Variants in ESRRB observed in about 807,000 individuals in gnomAD.
ESRRB encodes steroid hormone receptor ERR2.
ESRRB carries 16 observed loss-of-function variants against 46.0 expected under a neutral mutation model. The observed-to-expected ratio is 0.35, with a 90% CI of 0.24 to 0.53. The LOEUF is 0.53. ESRRB is among the 20% of genes least tolerant of loss of function. ESRRB has a pLI of 0.93. For missense variants in ESRRB, 488 were observed against 607.4 expected (o/e 0.80, Z 2.07); for synonymous variants, 246 against 259.6 (o/e 0.95, Z 0.50).
chr14:76,428,327 G>T lies in ESRRB; in HGVS notation c.51-11014G>T, dbSNP rs1209460448. ...GGTAGGATATTTATGCCACATCACT[G>T]CTTGATATAGAGTGAAAATAAAAAC... is the stretch of plus-strand genomic sequence containing the variant. On this transcript the variant is annotated intron_variant, in intron 1 of 6. Coordinates refer to ENST00000644823, the MANE Select transcript of ESRRB (RefSeq NM_001379180.1). Among the ~76,000 whole-genome samples the T allele has an allele frequency of 2.6e-5, 4 of 152,070 alleles. No individual in the cohort carries two copies. In the East Asian group the frequency reaches 7.8e-4, roughly 30 times the overall value.
chr14:76,394,540 C>T (rs1183824872), intron 1 of ESRRB, among the ~76,000 whole-genome samples: 1 of 152,204 alleles, frequency 6.6e-6, no homozygotes, highest in Non-Finnish European at 1.5e-5. Context: ...GAGGGAGCCT[C>T]ATTTGCTCCA....
intron 1 of ESRRB, among the ~76,000 whole-genome samples, chr14:76,336,158 G>T (rs1884124071): frequency 1.3e-5 from 2 of 152,174 alleles, no homozygotes; most frequent in Admixed American, 1.3e-4. Context: ...AAATCTCGCT[G>T]CCTTTTAGTT....
chr14:76,417,146 A>G (rs1039783426), intron 1 of ESRRB, among the ~76,000 whole-genome samples: 8 of 152,140 alleles, frequency 5.3e-5, no homozygotes, highest in Middle Eastern at 3.2e-3. Context: ...CAAAAACAAA[A>G]AAAGAAAGAA....
At chr14:76,356,222 C>G (rs1036711676) in intron 1 of ESRRB, among the ~76,000 whole-genome samples, 2 of 152,214 alleles carry the variant, frequency 1.3e-5, no homozygotes, top group Non-Finnish European at 2.9e-5. Flanking sequence ...GCAGAGAGCA[C>G]AGGCTGACCC....
At chr14:76,412,068 A>G (rs948817085) in intron 1 of ESRRB, among the ~76,000 whole-genome samples, 7 of 152,186 alleles carry the variant, frequency 4.6e-5, no homozygotes, top group African/African-American at 1.7e-4. Flanking sequence ...TAATTTCTGT[A>G]AAGTGAGTCC....
At chr14:76,355,114 A>C (rs1406302136) in intron 1 of ESRRB, among the ~76,000 whole-genome samples, 38 of 152,144 alleles carry the variant, frequency 2.5e-4, no homozygotes, top group Non-Finnish European at 4.4e-5. Context: ...CTTTGGGTAT[A>C]CCTTCCTCCT....
chr14:76,389,904 G>A (rs1885397471), intron 1 of ESRRB, among the ~76,000 whole-genome samples: 1 of 152,136 alleles, frequency 6.6e-6, no homozygotes, highest in Non-Finnish European at 1.5e-5. Context: ...AATGTATGGT[G>A]GAAAAACCAT....
chr14:76,408,868 G>T (rs957687005), intron 1 of ESRRB, among the ~76,000 whole-genome samples: 1 of 152,114 alleles, frequency 6.6e-6, no homozygotes, highest in African/African-American at 2.4e-5. Flanking sequence ...TCCATTGAGC[G>T]CTTCATTTCA....
chr14:76,398,006 C>T (rs1375463606), intron 1 of ESRRB, among the ~76,000 whole-genome samples: 1 of 152,232 alleles, frequency 6.6e-6, no homozygotes, highest in Non-Finnish European at 1.5e-5. Context: ...AGAGGATGGG[C>T]ACATGCAGGG....
chr14:76,328,384 C>G (rs73314694), intron 1 of ESRRB, among the ~76,000 whole-genome samples: 3,778 of 152,310 alleles, frequency 0.025, 181 homozygotes, highest in African/African-American at 0.087. Context: ...GTCCCTTAGT[C>G]CCCCTGAGTC....
At chr14:76,395,241 C>T (rs17497916) in intron 1 of ESRRB, among the ~76,000 whole-genome samples, 34,744 of 152,182 alleles carry the variant, frequency 0.23, 4,660 homozygotes, top group South Asian at 0.29. Context: ...ATGAATGCAT[C>T]GTCCTGCTGT....
At chr14:76,434,678 A>G (rs1445268233) in intron 1 of ESRRB, among the ~76,000 whole-genome samples, 4 of 151,592 alleles carry the variant, frequency 2.6e-5, no homozygotes, top group South Asian at 4.2e-4. Flanking sequence ...AAAAGAAAAG[A>G]AAAAAGAAAA....
intron 3 of ESRRB, among the ~76,000 whole-genome samples, chr14:76,464,113 A>C (rs888434025): frequency 2.0e-5 from 3 of 152,130 alleles, no homozygotes; most frequent in African/African-American, 7.2e-5. Flanking sequence ...AAATTCTTAG[A>C]GATCAACTTT....
intron 1 of ESRRB, among the ~76,000 whole-genome samples, chr14:76,335,239 T>G (rs763591778): frequency 5.1e-4 from 77 of 152,188 alleles, no homozygotes; most frequent in Non-Finnish European, 7.5e-4. Flanking sequence ...ACATTACTCA[T>G]TGTCTGCACC....
chr14:76,400,756 C>T (rs915655282), intron 1 of ESRRB, among the ~76,000 whole-genome samples: 13 of 152,144 alleles, frequency 8.5e-5, no homozygotes, highest in African/African-American at 3.1e-4. Context: ...TGAAGACACA[C>T]GAACAACTGT....
chr14:76,436,626 C>A (rs1595116125), intron 1 of ESRRB, among the ~76,000 whole-genome samples: 1 of 152,198 alleles, frequency 6.6e-6, no homozygotes, highest in Non-Finnish European at 1.5e-5. Flanking sequence ...GCCTGAGGAG[C>A]AAGGTGCGCC....
intron 1 of ESRRB, among the ~76,000 whole-genome samples, chr14:76,398,855 G>A (rs1018684617): frequency 6.6e-6 from 1 of 152,200 alleles, no homozygotes; most frequent in African/African-American, 2.4e-5. Context: ...TCCAGCCTAG[G>A]TCTGCCTGCC....
intron 2 of ESRRB, among the ~76,000 whole-genome samples, chr14:76,441,510 C>T (rs1887921020): frequency 6.6e-6 from 1 of 152,144 alleles, no homozygotes; most frequent in African/African-American, 2.4e-5. Flanking sequence ...TGGAGTCTCA[C>T]CATGTAGCCC....
At position 76,499,156 on chromosome 14, in the gene ESRRB, G is replaced by T. The variant is rs984827267; in HGVS notation, c.*698G>T. On this transcript the variant is annotated 3_prime_UTR_variant, in exon 7 of 7. Coordinates refer to ENST00000644823, the MANE Select transcript of ESRRB (RefSeq NM_001379180.1). The stretch of plus-strand genomic sequence containing the variant: ...GTCCTCCTCCTCTTCTCCTCCCCCC[G>T]GGAGTCCCCCGCTACTTCCTGACCC... 9.8e-6 allele frequency: 3 copies of T among 304,926 alleles called. No homozygotes were observed. The highest frequency in any genetic ancestry group is 1.9e-5 in the Non-Finnish European group (3 of 157,464). 18.9% of individuals were successfully genotyped at this position (304,926 alleles called of 1,614,324 possible). A position where few individuals can be genotyped will look rare whatever the true frequency, so the allele number is the denominator to read the frequency against.
Sources: allele counts gnomAD v4.1 joint callset (sites outside exome capture counted in the v4.1 genomes callset), GRCh38; gene constraint gnomAD v4.1.1; transcripts MANE v1.5; gene names NCBI Gene and HGNC (gene_info 2026-07-23, HGNC 2026-07-21).